Variants in IGSF10 observed in about 807,000 individuals in gnomAD.
The protein encoded by IGSF10 is immunoglobulin superfamily member 10.
In IGSF10, 126 loss-of-function variants were observed where a neutral mutation model predicts 128.2. That is an observed-to-expected ratio of 0.98 (90% CI 0.85 to 1.14). The LOEUF (loss-of-function observed/expected upper bound fraction) is 1.14. Among genes scored for constraint, IGSF10 ranks in the 50% most tolerant of loss-of-function variants. The probability of loss-of-function intolerance (pLI) is 0.00; values close to 1 mark genes in which losing one functional copy is unlikely to be tolerated. For missense variants in IGSF10, 3,295 were observed against 3,149.8 expected (o/e 1.05, Z -1.10); for synonymous variants, 1,185 against 1,146.2 (o/e 1.03, Z -0.68).
the IGSF10 span, among the ~76,000 whole-genome samples, chr3:151,523,351 A>G: frequency 0.48 from 73,006 of 152,006 alleles, 17,875 homozygotes; most frequent in East Asian, 0.73. Flanking sequence ...AAGAGCCCAC[A>G]TACAAAAGGC....
chr3:151,520,407 C>CA, the IGSF10 span, among the ~76,000 whole-genome samples: 1 of 151,644 alleles, frequency 6.6e-6, no homozygotes, highest in African/African-American at 2.4e-5. Flanking sequence ...GTAAAGCAGA[C>CA]AAAACTGATA....
downstream of IGSF10, chr3:151,433,901 A>G (rs1351547856): frequency 1.3e-5 from 2 of 152,806 alleles, no homozygotes; most frequent in East Asian, 3.9e-4. Context: ...GCACAAGTAA[A>G]TTATACATCA....
At chr3:151,562,778 T>C in the IGSF10 span, among the ~76,000 whole-genome samples, 7 of 152,102 alleles carry the variant, frequency 4.6e-5, no homozygotes, top group Admixed American at 2.6e-4. Flanking sequence ...CAATGCACCA[T>C]GTCCAAGAGC....
At position 151,457,162 on chromosome 3, in the gene IGSF10, T is replaced by TA. The variant is rs772844796; in HGVS notation, c.195-8dup. ...TCTAACCAAGCTGTTGTATCTGAAA[T>TA]AAAAAATGACATTCTAGGCATAAGC... On this transcript the variant is annotated splice_region_variant and splice_polypyrimidine_tract_variant and intron_variant, in intron 3 of 7. Coordinates refer to ENST00000282466, the MANE Select transcript of IGSF10 (RefSeq NM_178822.5). 1.9e-6 allele frequency: 3 copies of TA among 1,613,484 alleles called. No homozygotes were observed. The highest frequency in any genetic ancestry group is 2.5e-6 in the Non-Finnish European group (3 of 1,179,776).
chr3:151,574,139 T>A, the IGSF10 span, among the ~76,000 whole-genome samples: 1 of 152,268 alleles, frequency 6.6e-6, no homozygotes, highest in African/African-American at 2.4e-5. Flanking sequence ...TCTCTCTGGC[T>A]GCCCTTAACA....
At chr3:151,531,692 A>G in the IGSF10 span, among the ~76,000 whole-genome samples, 2 of 152,252 alleles carry the variant, frequency 1.3e-5, no homozygotes, top group Non-Finnish European at 2.9e-5. Context: ...CAGCGTGTAG[A>G]GAGAAATTTA....
chr3:151,462,761 A>T (rs745762074), upstream of IGSF10, among the ~76,000 whole-genome samples: 3 of 152,044 alleles, frequency 2.0e-5, no homozygotes, highest in Non-Finnish European at 4.4e-5. Context: ...GTAGAATTAT[A>T]GAATCAGAGA....
At chr3:151,511,877 A>G in the IGSF10 span, among the ~76,000 whole-genome samples, 4 of 152,250 alleles carry the variant, frequency 2.6e-5, no homozygotes, top group African/African-American at 9.6e-5. Flanking sequence ...AGGCCATTAC[A>G]TAATGGTAAA....
the IGSF10 span, among the ~76,000 whole-genome samples, chr3:151,562,208 C>G: frequency 3.3e-5 from 5 of 152,162 alleles, no homozygotes; most frequent in African/African-American, 1.2e-4. Context: ...GACCTCTGGT[C>G]TTCCTCACTG....
chr3:151,439,622 T>A (rs1720715942), intron 7 of IGSF10, among the ~76,000 whole-genome samples: 1 of 150,172 alleles, frequency 6.7e-6, no homozygotes, highest in African/African-American at 2.5e-5. Flanking sequence ...TAGAAAAAAA[T>A]AAATTTTACT....
the IGSF10 span, among the ~76,000 whole-genome samples, chr3:151,514,880 T>C: frequency 5.9e-5 from 9 of 152,278 alleles, no homozygotes; most frequent in Middle Eastern, 3.4e-3. Flanking sequence ...CTCATCATCA[T>C]TGGCCATCAG....
Position 151,448,803 on chromosome 3 carries a change from A to T in IGSF10, c.1178T>A (p.Leu393Ter). 1 of 1,613,522 alleles carries T rather than the reference A, an allele frequency of 6.2e-7. No individual in the cohort carries two copies. The highest frequency in any genetic ancestry group is 8.5e-7 in the Non-Finnish European group (1 of 1,179,422). Reference protein sequence around the residue: ...DSPLILERSHLLSETPQLYYK... With the variant: ...DSPLILERSH ...ATAGAGCTGCGGTGTTTCACTAAGC[A>T]AGTGGCTCCTTTCTAGTATCAGAGG... Residue 393 changes from leucine to a stop codon, truncating the protein, a stop_gained, in exon 6 of 8, where the codon TTG (leucine) becomes TAG (stop). Transcript: ENST00000282466. LOFTEE classifies it high-confidence loss of function.
the IGSF10 span, among the ~76,000 whole-genome samples, chr3:151,570,956 T>C: frequency 6.6e-6 from 1 of 152,354 alleles, no homozygotes; most frequent in South Asian, 2.1e-4. Context: ...TACATATGGC[T>C]AGCCAGTTTT....
the IGSF10 span, among the ~76,000 whole-genome samples, chr3:151,592,509 C>T: frequency 2.5e-4 from 38 of 152,276 alleles, no homozygotes; most frequent in Middle Eastern, 6.8e-3. Context: ...AGCTATTATG[C>T]ACTTGGTAAA....
At chr3:151,532,445 C>T in the IGSF10 span, among the ~76,000 whole-genome samples, 5 of 152,002 alleles carry the variant, frequency 3.3e-5, no homozygotes, top group South Asian at 2.1e-4. Flanking sequence ...ACTGGCAAAC[C>T]GAATCCAGCA....
the IGSF10 span, among the ~76,000 whole-genome samples, chr3:151,508,579 GT>G: frequency 1.3e-5 from 2 of 152,084 alleles, no homozygotes; most frequent in African/African-American, 4.8e-5. Flanking sequence ...TAGTACTCTG[GT>G]TAAATGACTA....
chr3:151,526,320 CTTGA>C, the IGSF10 span, among the ~76,000 whole-genome samples: 43 of 150,842 alleles, frequency 2.9e-4, no homozygotes, highest in African/African-American at 9.5e-4. Context: ...TGTCATTTTT[CTTGA>C]TTGTTTTTTT....
rs1720193073 is a variant in IGSF10, at chr3:151,436,276, T to TAAAG, written c.*409_*412dup. ...ACATCAGGATGGTAAATTTACATCA[T>TAAAG]AAAGATTGCAGATTTAATATTTTCC... is the stretch of plus-strand genomic sequence containing the variant. On this transcript the variant is annotated 3_prime_UTR_variant, in exon 8 of 8. Transcript: ENST00000282466. The TAAAG allele has an allele frequency of 1.3e-5, 2 of 158,390 alleles. No homozygotes were observed. Among genetic ancestry groups the TAAAG allele is most frequent in the Non-Finnish European group, 2.8e-5 (2 of 71,596 alleles). 9.8% of individuals were successfully genotyped at this position (158,390 alleles called of 1,614,324 possible). A position where few individuals can be genotyped will look rare whatever the true frequency, so the allele number is the denominator to read the frequency against.
the IGSF10 span, among the ~76,000 whole-genome samples, chr3:151,571,003 A>C: frequency 1.3e-5 from 2 of 152,118 alleles, no homozygotes. Context: ...TCCTTTCCCC[A>C]TTGCTTGTTT....
Sources: gnomAD v4.1 joint callset for allele counts (sites outside exome capture counted in the v4.1 genomes callset) on GRCh38, gnomAD v4.1.1 for gene constraint, MANE v1.5 for transcripts, NCBI Gene and HGNC (gene_info 2026-07-23, HGNC 2026-07-21) for gene names.